NRAP: variants seen among roughly 807,000 people sequenced by gnomAD.
NRAP encodes the protein nebulin related anchoring protein, also known as nebulin-related-anchoring protein.
A neutral mutation model predicts 225.9 loss-of-function variants in NRAP; 189 were observed. That is an observed-to-expected ratio of 0.84 (90% CI 0.74 to 0.94). NRAP has a LOEUF of 0.94. NRAP is among the 40% of genes least tolerant of loss of function. The pLI is 0.00. For synonymous variants in NRAP, 769 were observed against 790.7 expected (o/e 0.97, Z 0.46); for missense variants, 2,176 against 2,168.7 (o/e 1.00, Z -0.07).
rs1216901699 is a variant in NRAP at position 113,611,894 on chromosome 10, A to G, written c.3498+340T>C. Among the ~76,000 whole-genome samples, 8 of 152,276 alleles carry G rather than the reference A, an allele frequency of 5.3e-5. No homozygotes were observed. The East Asian group carries it at 9.6e-4, about 18-fold the overall frequency. On this transcript the variant is annotated intron_variant, in intron 30 of 41. Coordinates refer to ENST00000359988, the MANE Select transcript of NRAP (RefSeq NM_198060.4). ...TTCAAATCCCAGCCCTCTCTTTCTA[A>G]CTATAGCTGTGTGATCTTGGACAAG...
chr10:113,640,466 T>G (rs1289450850), intron 13 of NRAP, 135 bp from the exon 14 acceptor site: 1 of 534,442 alleles, frequency 1.9e-6, no homozygotes, highest in Non-Finnish European at 3.3e-6. Context: ...GAAAATTAAA[T>G]TATGTTCACA....
chr10:113,593,036 C>A (rs1399762997), intron 38 of NRAP, among the ~76,000 whole-genome samples: 2 of 151,602 alleles, frequency 1.3e-5, no homozygotes, highest in Admixed American at 1.3e-4. Flanking sequence ...ATCTTCTGTG[C>A]CTTCATGTAG....
chr10:113,658,341 T>G (rs1473283277), intron 3 of NRAP, among the ~76,000 whole-genome samples: 1 of 152,204 alleles, frequency 6.6e-6, no homozygotes, highest in Non-Finnish European at 1.5e-5. Flanking sequence ...AAGCTTTGTG[T>G]TTTTATATTC....
At chr10:113,629,888 G>A in intron 18 of NRAP, 103 bp from the exon 19 acceptor site, 1 of 761,196 alleles carries the variant, frequency 1.3e-6, no homozygotes, top group Non-Finnish European at 2.2e-6. Context: ...GGGAGCAGGA[G>A]AATCGGCACT....
chr10:113,623,361 G>A (rs1848106135), intron 23 of NRAP, among the ~76,000 whole-genome samples, 168 bp downstream of exon 23: 1 of 152,182 alleles, frequency 6.6e-6, no homozygotes, highest in South Asian at 2.1e-4. Flanking sequence ...AAATAGATAG[G>A]CACAGATGTG....
intron 34 of NRAP, 120 bp from the exon 35 acceptor site, chr10:113,605,040 C>G: frequency 9.4e-7 from 1 of 1,063,248 alleles, no homozygotes; most frequent in Non-Finnish European, 1.3e-6. Context: ...GTGGGGCTGG[C>G]CTGAGAGTGT....
At chr10:113,662,117 GAACA>G (rs1413761594) in intron 3 of NRAP, among the ~76,000 whole-genome samples, 2 of 152,126 alleles carry the variant, frequency 1.3e-5, no homozygotes, top group African/African-American at 2.4e-5. Context: ...TATTGTGGGA[GAACA>G]AACAGTCATA....
rs1846386085 is a variant in NRAP, at chr10:113,598,033, C to T, written c.4268G>A (p.Gly1423Glu). ...CTGTGGGGATCTCAGCGCCAGCCAT[C>T]CTATGCCCTTCATGCCGATCAGGTC... ...KSDLIGMKGI[G>E]WLALRSPQME... is the part of the protein sequence containing the mutation. Residue 1423 changes from glycine to glutamate, a missense_variant, in exon 36 of 42, where the codon GGA becomes GAA. Around this residue, in one of 3 missense-constraint regions of NRAP, gnomAD observed 445 missense variants for 426.1 expected, o/e 1.04. Transcript: ENST00000359988. The T allele has an allele frequency of 6.2e-7, 1 of 1,613,746 alleles. No homozygotes were observed. Among genetic ancestry groups the T allele is most frequent in the African/African-American group, 1.3e-5 (1 of 74,816 alleles).
At chr10:113,595,588 T>C (rs1196695996) in intron 38 of NRAP, 35 bp downstream of exon 38, 5 of 1,322,042 alleles carry the variant, frequency 3.8e-6, no homozygotes, top group South Asian at 2.4e-5. Context: ...TTTACAAAAG[T>C]GGGCACACGT....
intron 14 of NRAP, 107 bp from the exon 15 acceptor site, chr10:113,634,317 G>C (rs1848740817): frequency 1.3e-6 from 1 of 754,422 alleles, no homozygotes; most frequent in Non-Finnish European, 2.4e-6. Context: ...TGGCTACGTA[G>C]AAAAAGAGTC....
intron 7 of NRAP, among the ~76,000 whole-genome samples, chr10:113,651,536 CTGTGTCCA>C (rs1397257878): frequency 6.6e-6 from 1 of 152,146 alleles, no homozygotes; most frequent in Non-Finnish European, 1.5e-5. Flanking sequence ...GTTCCCCTCC[CTGTGTCCA>C]TGTGTTCTCA....
chr10:113,611,805 T>C (rs1328216291), intron 30 of NRAP, among the ~76,000 whole-genome samples: 1 of 152,158 alleles, frequency 6.6e-6, no homozygotes, highest in Non-Finnish European at 1.5e-5. Flanking sequence ...GGCAATATCA[T>C]TGGCAAATCT....
intron 2 of NRAP, among the ~76,000 whole-genome samples, chr10:113,663,141 T>C (rs530734298): frequency 2.0e-5 from 3 of 152,338 alleles, no homozygotes; most frequent in Admixed American, 1.3e-4. Context: ...GTGGATATAT[T>C]TGATCTTTTA....
intron 3 of NRAP, among the ~76,000 whole-genome samples, chr10:113,662,358 C>T (rs1370468813): frequency 6.6e-6 from 1 of 152,044 alleles, no homozygotes; most frequent in Non-Finnish European, 1.5e-5. Context: ...CATTTCTATT[C>T]TAGCTATTTT....
intron 35 of NRAP, among the ~76,000 whole-genome samples, chr10:113,603,205 C>T (rs567429210): frequency 6.6e-6 from 1 of 152,284 alleles, no homozygotes; most frequent in South Asian, 2.1e-4. Flanking sequence ...ACCATGCCTG[C>T]GGCTTGGAGA....
At chr10:113,656,767 T>C (rs1027037029) in intron 4 of NRAP, among the ~76,000 whole-genome samples, 1 of 152,214 alleles carries the variant, frequency 6.6e-6, no homozygotes, top group Non-Finnish European at 1.5e-5. Flanking sequence ...TAGAAAGATA[T>C]GGTTTTATTT....
At chr10:113,652,389 C>T (rs928486472) in intron 6 of NRAP, among the ~76,000 whole-genome samples, 1 of 152,076 alleles carries the variant, frequency 6.6e-6, no homozygotes, top group South Asian at 2.1e-4. Flanking sequence ...CCCGAGTAAT[C>T]CCAGCACTTT....
chr10:113,589,043 T>G lies in NRAP; in HGVS notation c.5125A>C (p.Ser1709Arg). The G allele has an allele frequency of 1.2e-6, 2 of 1,614,052 alleles. No individual in the cohort carries two copies. Among genetic ancestry groups the G allele is most frequent in the Non-Finnish European group, 1.7e-6 (2 of 1,180,012 alleles). ...AEAVEAGDHQ[S>R]GEVNPDATEI... is the part of the protein sequence containing the mutation. ...GTGGCATCTGGGTTCACCTCCCCAC[T>G]CTGATGATCTCCAGCCTCCACTGCT... The change falls in exon 42 of 42, where the codon AGT becomes CGT. Residue 1709 changes from serine (S) to arginine (R), a missense_variant. Around this residue, in one of 3 missense-constraint regions of NRAP, gnomAD observed 445 missense variants for 426.1 expected, o/e 1.04. Coordinates refer to ENST00000359988, the MANE Select transcript of NRAP (RefSeq NM_198060.4).
intron 33 of NRAP, 100 bp from the exon 34 acceptor site, chr10:113,605,969 TC>T: frequency 2.1e-6 from 2 of 955,700 alleles, no homozygotes; most frequent in Non-Finnish European, 3.4e-6. Flanking sequence ...AGAATCAATT[TC>T]TGTTTTGTGC....
Sources: gnomAD v4.1 joint callset for allele counts (sites outside exome capture counted in the v4.1 genomes callset) on GRCh38, gnomAD v4.1.1 for gene constraint, gnomAD v4.1.1 regional missense constraint, MANE v1.5 for transcripts, NCBI Gene and HGNC (gene_info 2026-07-23, HGNC 2026-07-21) for gene names.